Variants in ZMAT4 observed in about 807,000 individuals in gnomAD.
The protein encoded by ZMAT4 is zinc finger matrin-type 4, also known as zinc finger matrin-type protein 4.
A neutral mutation model predicts 28.7 loss-of-function variants in ZMAT4; 17 were observed. The observed-to-expected ratio is 0.59, with a 90% CI of 0.41 to 0.89. The LOEUF is 0.89. Among genes scored for constraint, ZMAT4 ranks in the 40% least tolerant of loss-of-function variants. The pLI, the probability that ZMAT4 is intolerant of heterozygous loss-of-function variation, is 0.00. For missense variants in ZMAT4, 240 were observed against 283.8 expected (o/e 0.85, Z 1.11); for synonymous variants, 117 against 109.2 (o/e 1.07, Z -0.44).
intron 1 of ZMAT4, among the ~76,000 whole-genome samples, chr8:40,893,253 G>A (rs1818755369): frequency 6.6e-6 from 1 of 152,168 alleles, no homozygotes; most frequent in African/African-American, 2.4e-5. Flanking sequence ...TGGCCCGCAC[G>A]AGAGGATGCT....
intron 1 of ZMAT4, among the ~76,000 whole-genome samples, chr8:40,875,629 T>C (rs1479497105): frequency 6.6e-6 from 1 of 151,470 alleles, no homozygotes; most frequent in Non-Finnish European, 1.5e-5. Context: ...GGGTGGTGGG[T>C]GTGTGAACTG....
rs77433400 is a variant in ZMAT4 at position 40,863,041 on chromosome 8, A to T, written c.-5+34642T>A. Among the ~76,000 whole-genome samples the T allele has an allele frequency of 3.1e-3, 465 of 152,324 alleles. 2 individuals are homozygous for T. Among genetic ancestry groups the T allele is most frequent in the African/African-American group, 0.011 (449 of 41,580 alleles). On this transcript the variant is annotated intron_variant, in intron 1 of 6. Transcript: ENST00000297737. ...ACTAATGGTTGGAAGCAGGTGATGC[A>T]GCCAGTGCAAAGAAAAATCCATTCT...
chr8:40,829,557 T>A (rs1816201297), intron 1 of ZMAT4, among the ~76,000 whole-genome samples: 1 of 152,142 alleles, frequency 6.6e-6, no homozygotes, highest in African/African-American at 2.4e-5. Flanking sequence ...GATTCTATAA[T>A]GGTTTGGGGA....
At chr8:40,581,640 T>C (rs1804467764) in intron 5 of ZMAT4, among the ~76,000 whole-genome samples, 1 of 152,184 alleles carries the variant, frequency 6.6e-6, no homozygotes, top group South Asian at 2.1e-4. Flanking sequence ...TCTATCCTAA[T>C]TCCTTTCCAC....
chr8:40,774,682 A>T (rs1291740071), intron 2 of ZMAT4, among the ~76,000 whole-genome samples: 1 of 45,522 alleles, frequency 2.2e-5, no homozygotes, highest in African/African-American at 4.6e-5. Context: ...AATGACATAG[A>T]AATATATATA....
At chr8:40,786,752 T>C (rs185415366) in intron 2 of ZMAT4, 17 of 1,289,292 alleles carry the variant, frequency 1.3e-5, no homozygotes, top group Non-Finnish European at 1.6e-5. Context: ...GTATGTCTAA[T>C]GAAATTCCCC....
chr8:40,629,934 G>T (rs1313525894), intron 5 of ZMAT4, among the ~76,000 whole-genome samples: 1 of 152,122 alleles, frequency 6.6e-6, no homozygotes, highest in Admixed American at 6.5e-5. Context: ...TAATGGGATG[G>T]CTGGGTCAAA....
At chr8:40,781,049 T>C (rs4270951) in intron 2 of ZMAT4, among the ~76,000 whole-genome samples, 152,204 of 152,208 alleles carry the variant, frequency 1, 76,100 homozygotes, top group Non-Finnish European at 1. Context: ...AGCAACAAAT[T>C]GTGGGGGTGA....
chr8:40,756,426 T>TATATATATATATATATATA (rs1812683324), intron 3 of ZMAT4, among the ~76,000 whole-genome samples: 3 of 73,284 alleles, frequency 4.1e-5, no homozygotes, highest in African/African-American at 6.1e-5. Context: ...AAATGTTCTT[T>TATATATATATATATATATA]TATATATATA....
At chr8:40,641,347 G>GA in intron 5 of ZMAT4, among the ~76,000 whole-genome samples, 1 of 152,266 alleles carries the variant, frequency 6.6e-6, no homozygotes, top group African/African-American at 2.4e-5. Context: ...ACTTTATGTG[G>GA]AAAAAACATT....
At position 40,647,102 on chromosome 8, in the gene ZMAT4, C is replaced by T. The variant is rs539064949; in HGVS notation, c.577+27602G>A. ...ATGGCCTAATAGGAACAGCTCCGGTCTACAGCTCCCAGCGTGAGCGACGCA... is the reference window on the plus strand; with the variant it reads ...ATGGCCTAATAGGAACAGCTCCGGTTTACAGCTCCCAGCGTGAGCGACGCA... On this transcript the variant is annotated intron_variant, in intron 5 of 6. Coordinates refer to ENST00000297737, the MANE Select transcript of ZMAT4 (RefSeq NM_024645.3). 2.4e-3 allele frequency among the ~76,000 whole-genome samples: 363 copies of T among 152,284 alleles called. 2 individuals carry two copies. Among genetic ancestry groups the T allele is most frequent in the Non-Finnish European group, 3.7e-3 (255 of 68,022 alleles).
intron 2 of ZMAT4, among the ~76,000 whole-genome samples, chr8:40,788,859 A>G (rs1034988246): frequency 3.9e-5 from 6 of 152,034 alleles, no homozygotes; most frequent in Non-Finnish European, 7.4e-5. Context: ...GGACATATAC[A>G]ATGAATAATA....
At chr8:40,538,647 A>G (rs138525849) in intron 6 of ZMAT4, among the ~76,000 whole-genome samples, 6 of 152,240 alleles carry the variant, frequency 3.9e-5, no homozygotes, top group South Asian at 2.1e-4. Flanking sequence ...AGAACTCGAA[A>G]TCTGGTTAAT....
intron 6 of ZMAT4, among the ~76,000 whole-genome samples, chr8:40,554,736 A>G (rs1803475795): frequency 6.6e-6 from 1 of 152,180 alleles, no homozygotes; most frequent in Admixed American, 6.6e-5. Flanking sequence ...TTACACACAT[A>G]GAATGTGTGA....
intron 3 of ZMAT4, among the ~76,000 whole-genome samples, chr8:40,702,928 C>G (rs371100080): frequency 1.3e-5 from 2 of 152,074 alleles, no homozygotes; most frequent in South Asian, 4.1e-4. Context: ...AAACAGTTGT[C>G]TAAATTTGTG....
intron 2 of ZMAT4, among the ~76,000 whole-genome samples, chr8:40,773,007 G>A (rs182218282): frequency 1.4e-4 from 22 of 152,320 alleles, no homozygotes; most frequent in Admixed American, 1.4e-3. Context: ...CCTTCACTGA[G>A]GGTCCCAGGG....
chr8:40,724,578 C>A (rs1011558354), intron 3 of ZMAT4, among the ~76,000 whole-genome samples: 4 of 152,194 alleles, frequency 2.6e-5, no homozygotes, highest in Non-Finnish European at 5.9e-5. Context: ...TAATTCCAAT[C>A]TTCAGAAGTT....
At chr8:40,761,430 A>C (rs1228601108) in intron 3 of ZMAT4, among the ~76,000 whole-genome samples, 1 of 152,072 alleles carries the variant, frequency 6.6e-6, no homozygotes, top group Non-Finnish European at 1.5e-5. Context: ...CAGCTCCACC[A>C]AGAACAGGCG....
chr8:40,889,991 G>A (rs1818609629), intron 1 of ZMAT4, among the ~76,000 whole-genome samples: 1 of 152,070 alleles, frequency 6.6e-6, no homozygotes, highest in African/African-American at 2.4e-5. Context: ...CAGCAACACT[G>A]GATATTACAT....
Sources: allele counts gnomAD v4.1 joint callset (sites outside exome capture counted in the v4.1 genomes callset), GRCh38; gene constraint gnomAD v4.1.1; transcripts MANE v1.5; gene names NCBI Gene and HGNC (gene_info 2026-07-23, HGNC 2026-07-21).